KLHL1: variants seen among roughly 807,000 people sequenced by gnomAD.
The protein encoded by KLHL1 is kelch like family member 1.
A neutral mutation model predicts 77.7 loss-of-function variants in KLHL1; 47 were observed. The observed-to-expected ratio is 0.60, with a 90% CI of 0.48 to 0.77. The LOEUF is 0.77. Among genes scored for constraint, KLHL1 ranks in the 30% least tolerant of loss-of-function variants. The probability of loss-of-function intolerance (pLI) is 0.00; values close to 1 mark genes in which losing one functional copy is unlikely to be tolerated. For synonymous variants in KLHL1, 360 were observed against 325.2 expected, an observed-to-expected ratio of 1.11 and a Z score of -1.15; for missense variants, 925 against 910.8, an observed-to-expected ratio of 1.02 and a Z score of -0.20.
At chr13:69,821,614 C>A (rs1222690730) in intron 6 of KLHL1, among the ~76,000 whole-genome samples, 1 of 152,102 alleles carries the variant, frequency 6.6e-6, no homozygotes, top group Non-Finnish European at 1.5e-5. Context: ...CACACCTGGC[C>A]TTGGTGATAA....
intron 7 of KLHL1, among the ~76,000 whole-genome samples, chr13:69,760,889 T>G (rs1000959011): frequency 6.6e-6 from 1 of 152,150 alleles, no homozygotes. Flanking sequence ...TTAGTAAGAT[T>G]TTACCATTTT....
intron 7 of KLHL1, among the ~76,000 whole-genome samples, chr13:69,779,398 CT>C (rs1333678946): frequency 6.7e-6 from 1 of 149,576 alleles, no homozygotes. Flanking sequence ...CTGTCCTCCC[CT>C]CTTCCCTCCT....
intron 7 of KLHL1, among the ~76,000 whole-genome samples, chr13:69,759,331 G>A (rs906438433): frequency 1.3e-5 from 2 of 151,972 alleles, no homozygotes; most frequent in Admixed American, 6.6e-5. Context: ...AAATCAAGCA[G>A]GTATCAAAAA....
intron 9 of KLHL1, among the ~76,000 whole-genome samples, chr13:69,716,285 C>G (rs1876118199): frequency 6.6e-6 from 1 of 151,954 alleles, no homozygotes; most frequent in Non-Finnish European, 1.5e-5. Flanking sequence ...TAGTGTCTGA[C>G]TGATTCAATA....
intron 1 of KLHL1, among the ~76,000 whole-genome samples, chr13:70,053,000 G>A (rs149205261): frequency 1.1e-3 from 172 of 152,044 alleles, no homozygotes; most frequent in Middle Eastern, 0.01. Flanking sequence ...ACAATTGCCA[G>A]ACATCCAAAC....
intron 4 of KLHL1, among the ~76,000 whole-genome samples, chr13:69,909,546 A>T (rs921788071): frequency 6.6e-6 from 1 of 151,936 alleles, no homozygotes; most frequent in Admixed American, 6.6e-5. Context: ...TTTTTTTTTA[A>T]AAAAATCAAA....
At chr13:70,028,058 A>T (rs1886000802) in intron 1 of KLHL1, among the ~76,000 whole-genome samples, 1 of 152,152 alleles carries the variant, frequency 6.6e-6, no homozygotes, top group Non-Finnish European at 1.5e-5. Flanking sequence ...AGGTAGTACA[A>T]GGTGTAGGTA....
chr13:70,059,179 G>T (rs1166330746), intron 1 of KLHL1, among the ~76,000 whole-genome samples: 3 of 145,420 alleles, frequency 2.1e-5, no homozygotes, highest in African/African-American at 2.6e-5. Flanking sequence ...TTTTTCCTGA[G>T]ATGGAATCTC....
intron 1 of KLHL1, among the ~76,000 whole-genome samples, chr13:69,976,259 GA>G (rs34129651): frequency 4.3e-4 from 66 of 151,764 alleles, no homozygotes; most frequent in African/African-American, 1.4e-3. Flanking sequence ...TTTTTATTAT[GA>G]AAAAAATATA....
rs557755210 is a variant in KLHL1, at chr13:69,713,794, A to C, written c.2015+5575T>G. 6.6e-5 allele frequency among the ~76,000 whole-genome samples: 10 copies of C among 152,246 alleles called. No individual in the cohort carries two copies. The South Asian group carries it at 1.2e-3, about 19-fold the overall frequency. On this transcript the variant is annotated intron_variant, in intron 9 of 10. Coordinates refer to ENST00000377844, the MANE Select transcript of KLHL1 (RefSeq NM_020866.3). The stretch of plus-strand genomic sequence containing the variant: ...TGGTATAATGGTTACCCTTAGAGAC[A>C]ATATTTGTTGGTACACATGGTATTT...
chr13:69,884,390 A>C (rs1358850246), intron 4 of KLHL1, among the ~76,000 whole-genome samples: 1 of 150,236 alleles, frequency 6.7e-6, no homozygotes, highest in Non-Finnish European at 1.5e-5. Flanking sequence ...TAATTAACAA[A>C]TTAAGTGTTC....
intron 1 of KLHL1, among the ~76,000 whole-genome samples, chr13:69,980,414 C>G (rs1270023219): frequency 6.6e-6 from 1 of 152,152 alleles, no homozygotes; most frequent in East Asian, 1.9e-4. Flanking sequence ...AAATCCATAT[C>G]ACACATTATA....
At chr13:69,802,885 C>T (rs376748847) in intron 6 of KLHL1, 39 of 152,096 alleles carry the variant, frequency 2.6e-4, no homozygotes, top group African/African-American at 9.4e-4. Context: ...TGTCCTGCTA[C>T]ATTTCTGGGT....
intron 5 of KLHL1, among the ~76,000 whole-genome samples, chr13:69,860,175 C>A (rs1880081433): frequency 6.6e-6 from 1 of 152,060 alleles, no homozygotes; most frequent in African/African-American, 2.4e-5. Context: ...GTCTATTAAT[C>A]TTCAGTACTA....
chr13:70,104,224 C>A (rs2137458309), intron 1 of KLHL1, among the ~76,000 whole-genome samples: 1 of 152,098 alleles, frequency 6.6e-6, no homozygotes, highest in African/African-American at 2.4e-5. Flanking sequence ...GATTAATAGG[C>A]CAGTGAACTA....
chr13:69,857,449 G>A (rs1803046349), intron 5 of KLHL1, among the ~76,000 whole-genome samples: 1 of 151,892 alleles, frequency 6.6e-6, no homozygotes, highest in South Asian at 2.1e-4. Flanking sequence ...ATTATTATAT[G>A]CCCCATGACT....
intron 7 of KLHL1, among the ~76,000 whole-genome samples, chr13:69,748,907 TAATTA>T (rs1293738037): frequency 1.3e-5 from 2 of 151,788 alleles, no homozygotes; most frequent in African/African-American, 2.4e-5. Flanking sequence ...TCTCTAACTA[TAATTA>T]AATTAAATTG....
At chr13:69,916,417 A>G (rs1352382958) in intron 4 of KLHL1, among the ~76,000 whole-genome samples, 1 of 152,144 alleles carries the variant, frequency 6.6e-6, no homozygotes, top group Non-Finnish European at 1.5e-5. Context: ...GCCATAAAAA[A>G]TGATGAGTTC....
chr13:69,784,478 G>T (rs913957523), intron 7 of KLHL1, among the ~76,000 whole-genome samples: 1 of 152,020 alleles, frequency 6.6e-6, no homozygotes, highest in African/African-American at 2.4e-5. Flanking sequence ...CAAAATAAAG[G>T]GATGGAGAAA....
Sources: gnomAD v4.1 joint callset for allele counts (sites outside exome capture counted in the v4.1 genomes callset) on GRCh38, gnomAD v4.1.1 for gene constraint, MANE v1.5 for transcripts, NCBI Gene and HGNC (gene_info 2026-07-23, HGNC 2026-07-21) for gene names.